TRPS1: variants seen among roughly 807,000 people sequenced by gnomAD.
TRPS1 encodes the protein transcriptional repressor GATA binding 1.
In TRPS1, 6 loss-of-function variants were observed where a neutral mutation model predicts 101.2. The observed-to-expected ratio is 0.06, with a 90% CI of 0.03 to 0.12. TRPS1 has a LOEUF of 0.12. TRPS1 is among the 10% of genes least tolerant of loss of function. The pLI, the probability that TRPS1 is intolerant of heterozygous loss-of-function variation, is 1.00. For missense variants in TRPS1, 1,363 were observed against 1,567.0 expected, an observed-to-expected ratio of 0.87 and a Z score of 2.20; for synonymous variants, 578 against 589.8, an observed-to-expected ratio of 0.98 and a Z score of 0.29.
Position 115,414,593 on chromosome 8 carries a change from G to A in TRPS1, c.3315C>T (p.Tyr1105=). ...GTACAAAGGGAAGTCCAAAAAGTGG[G>A]TACTGGTACTTTTCAATAGGGCTGC... The part of the protein sequence containing the change: ...PPGSPIEKYQ[Y]PLFGLPFVHN... Residue 1105 remains tyrosine (Y), a synonymous_variant, in exon 7 of 7, where the codon TAC becomes TAT. Transcript: ENST00000395715. The surrounding 1 kb of genome is among the most constrained non-coding windows in gnomAD (Gnocchi z 4.8). 6.2e-7 allele frequency: 1 copy of A among 1,613,980 alleles called. No individual in the cohort carries two copies. Among genetic ancestry groups the A allele is most frequent in the South Asian group, 1.1e-5 (1 of 91,086 alleles).
In TRPS1 at chr8:115,604,914, T is replaced by C. The variant is rs1388980817; in HGVS notation, c.1055A>G (p.Asn352Ser). The change falls in exon 4 of 7, where the codon AAT becomes AGT. Residue 352 changes from asparagine to serine, a missense_variant. Transcript: ENST00000395715. This position sits in a 1 kb window ranked among gnomAD's most constrained non-coding sequence, Gnocchi z 4.1. ...GGATGAGTTGCCCATATAAGTGAAA[T>C]TGCAGAATTTACAGCGGAAATACTT... ...NTKYFRCKFC[N>S]FTYMGNSSTE... 1.2e-6 allele frequency: 2 copies of C among 1,613,904 alleles called. No individual in the cohort carries two copies. The highest frequency in any genetic ancestry group is 1.7e-6 in the Non-Finnish European group (2 of 1,179,968).
At chr8:115,478,230 T>C (rs1240808833) in intron 5 of TRPS1, among the ~76,000 whole-genome samples, 1 of 152,232 alleles carries the variant, frequency 6.6e-6, no homozygotes, top group Non-Finnish European at 1.5e-5. Context: ...TCATTTTCAT[T>C]CAAATTTATA....
At chr8:115,657,845 A>T (rs547323414) in intron 1 of TRPS1, among the ~76,000 whole-genome samples, 1 of 152,248 alleles carries the variant, frequency 6.6e-6, no homozygotes, top group East Asian at 1.9e-4. Flanking sequence ...AAACAATAAA[A>T]TAAAATAAAA....
chr8:115,433,483 C>G (rs749638576), intron 5 of TRPS1, among the ~76,000 whole-genome samples: 1 of 151,878 alleles, frequency 6.6e-6, no homozygotes, highest in African/African-American at 2.4e-5. Context: ...ATTCAGAATT[C>G]TCTCTTAATG....
At chr8:115,656,234 GTTTT>G (rs746534548) in intron 1 of TRPS1, among the ~76,000 whole-genome samples, 3 of 152,052 alleles carry the variant, frequency 2.0e-5, no homozygotes, top group African/African-American at 4.8e-5. Context: ...CAGCTTATTT[GTTTT>G]TACACATAAT....
chr8:115,549,006 G>C (rs1563594837), intron 5 of TRPS1, among the ~76,000 whole-genome samples: 1 of 152,162 alleles, frequency 6.6e-6, no homozygotes, highest in African/African-American at 2.4e-5. Flanking sequence ...TGATTACACT[G>C]ATTAATAGTA....
chr8:115,508,958 T>A (rs1296033761), intron 5 of TRPS1, among the ~76,000 whole-genome samples: 1 of 152,028 alleles, frequency 6.6e-6, no homozygotes, highest in Non-Finnish European at 1.5e-5. Flanking sequence ...TAAAATGTTT[T>A]GAATTGTGAG....
chr8:115,593,149 G>A (rs1387642973), intron 4 of TRPS1, among the ~76,000 whole-genome samples: 2 of 152,062 alleles, frequency 1.3e-5, no homozygotes, highest in Non-Finnish European at 2.9e-5. Context: ...TGGCAACATT[G>A]TTATAGTTTT....
intron 1 of TRPS1, among the ~76,000 whole-genome samples, chr8:115,643,372 C>T (rs753857635): frequency 6.6e-6 from 1 of 152,194 alleles, no homozygotes; most frequent in Non-Finnish European, 1.5e-5. Flanking sequence ...AACTTTAATG[C>T]TGCTTTATCA....
chr8:115,625,753 T>C (rs908516258), intron 1 of TRPS1, among the ~76,000 whole-genome samples: 8 of 151,938 alleles, frequency 5.3e-5, no homozygotes, highest in Non-Finnish European at 1.0e-4. Context: ...TGCATATATA[T>C]GTACAGACAC....
At chr8:115,659,954 A>T (rs539944464) in intron 1 of TRPS1, among the ~76,000 whole-genome samples, 17 of 152,168 alleles carry the variant, frequency 1.1e-4, no homozygotes, top group African/African-American at 3.6e-4. Flanking sequence ...AAACATTCTA[A>T]GCAAGTGAGA....
intron 3 of TRPS1, among the ~76,000 whole-genome samples, chr8:115,616,155 T>C (rs1818272523): frequency 6.6e-6 from 1 of 152,212 alleles, no homozygotes; most frequent in Non-Finnish European, 1.5e-5. Flanking sequence ...CTGATGGCTA[T>C]TTACAGTGAC....
At chr8:115,642,894 AACACCTCGGAGATACT>A (rs1466005059) in intron 1 of TRPS1, among the ~76,000 whole-genome samples, 14 of 149,576 alleles carry the variant, frequency 9.4e-5, no homozygotes, top group East Asian at 1.9e-4. Context: ...ATATATATAT[AACACCTCGGAGATACT>A]ACACCTCGGA....
In TRPS1 at chr8:115,495,814, A is replaced by G. The variant is rs145853799; in HGVS notation, c.2701-77362T>C. Among the ~76,000 whole-genome samples, 78 of 152,308 alleles carry G rather than the reference A, an allele frequency of 5.1e-4. No homozygotes were observed. In the East Asian group the frequency reaches 0.013, roughly 26 times the overall value. On this transcript the variant is annotated intron_variant, in intron 5 of 6. Coordinates refer to ENST00000395715, the MANE Select transcript of TRPS1 (RefSeq NM_014112.5). ...ACAAGTGATAGATTTTAATGAGCTT[A>G]TCATACTGTTCAAACAAAATTCTAC...
rs1812003506 is a variant in TRPS1, at chr8:115,668,831, A to G, written c.-408T>C. 1 of 148,688 alleles carries G rather than the reference A, an allele frequency of 6.7e-6. No individual in the cohort carries two copies. Among genetic ancestry groups the G allele is most frequent in the African/African-American group, 2.5e-5 (1 of 39,508 alleles). 9.2% of individuals were successfully genotyped at this position (148,688 alleles called of 1,614,324 possible). A position where few individuals can be genotyped will look rare whatever the true frequency, so the allele number is the denominator to read the frequency against. On this transcript the variant is annotated 5_prime_UTR_variant, in exon 1 of 7. Transcript: ENST00000395715. ...TTTTTGTTTAAAAAAAAAAAAAAGA[A>G]ATAGGAAGGCGAGAGAGCAATCGAG...
At chr8:115,542,805 GCTAA>G (rs1318655100) in intron 5 of TRPS1, among the ~76,000 whole-genome samples, 2 of 152,112 alleles carry the variant, frequency 1.3e-5, no homozygotes, top group Non-Finnish European at 2.9e-5. Context: ...TTATATAAAT[GCTAA>G]CTATTATTAT....
chr8:115,480,679 G>C (rs756883442), intron 5 of TRPS1, among the ~76,000 whole-genome samples: 3 of 151,774 alleles, frequency 2.0e-5, no homozygotes, highest in Non-Finnish European at 4.4e-5. Flanking sequence ...GCCATTTTTC[G>C]GCATACATAT....
chr8:115,422,407 C>T (rs1813087011), intron 5 of TRPS1, among the ~76,000 whole-genome samples: 1 of 151,218 alleles, frequency 6.6e-6, no homozygotes, highest in Non-Finnish European at 1.5e-5. Context: ...TGCTCTGTTG[C>T]CCAGGCTGGA....
chr8:115,580,257 T>C (rs1184188540), intron 5 of TRPS1, among the ~76,000 whole-genome samples: 1 of 148,666 alleles, frequency 6.7e-6, no homozygotes, highest in African/African-American at 2.5e-5. Flanking sequence ...TATATATATA[T>C]ATATATATGA....
Sources: gnomAD v4.1 joint callset for allele counts (sites outside exome capture counted in the v4.1 genomes callset) on GRCh38, gnomAD v4.1.1 for gene constraint, Gnocchi (gnomAD v3.1) non-coding constraint, MANE v1.5 for transcripts, NCBI Gene and HGNC (gene_info 2026-07-23, HGNC 2026-07-21) for gene names.